The following NAALADL2 variants were observed in gnomAD, a reference collection of about 807,000 sequenced individuals.
NAALADL2 encodes the protein inactive N-acetylated-alpha-linked acidic dipeptidase-like protein 2.
Under a neutral mutation model 87.2 loss-of-function variants are expected in NAALADL2, and 76 were observed. The ratio of observed to expected loss-of-function variants is 0.87; its 90% CI spans 0.72 to 1.05. NAALADL2 has a LOEUF of 1.05. Ranked by LOEUF, NAALADL2 falls within the 50% of genes least tolerant of loss-of-function variation. The pLI is 0.00. For synonymous variants in NAALADL2, 354 were observed against 331.0 expected (o/e 1.07, Z -0.75); for missense variants, 1,089 against 945.8 (o/e 1.15, Z -1.99).
intron 1 of NAALADL2, among the ~76,000 whole-genome samples, chr3:174,514,729 A>T (rs1429612324): frequency 1.3e-5 from 2 of 151,704 alleles, no homozygotes; most frequent in Non-Finnish European, 2.9e-5. Flanking sequence ...TTTTTCTTTG[A>T]TCTAATGTAT....
intron 5 of NAALADL2, among the ~76,000 whole-genome samples, chr3:175,355,003 A>G (rs959890418): frequency 2.1e-5 from 3 of 146,078 alleles, no homozygotes; most frequent in Non-Finnish European, 4.5e-5. Context: ...TTATTTATAT[A>G]TATAATTGCT....
At chr3:175,365,490 A>G (rs1261777566) in intron 5 of NAALADL2, among the ~76,000 whole-genome samples, 3 of 147,696 alleles carry the variant, frequency 2.0e-5, no homozygotes, top group African/African-American at 7.4e-5. Flanking sequence ...GTTCCAAATC[A>G]TATTTTATTT....
intron 11 of NAALADL2, among the ~76,000 whole-genome samples, chr3:175,736,755 G>T (rs1288307432): frequency 6.6e-6 from 1 of 152,088 alleles, no homozygotes; most frequent in Non-Finnish European, 1.5e-5. Context: ...ATGTAATTTG[G>T]GGAACTCAGA....
intron 4 of NAALADL2, among the ~76,000 whole-genome samples, chr3:175,299,917 G>T (rs192323994): frequency 3.9e-5 from 6 of 152,280 alleles, no homozygotes; most frequent in African/African-American, 1.4e-4. Flanking sequence ...GATATTGGCT[G>T]TGGGTTTGTC....
At chr3:175,268,520 T>G (rs1035316975) in intron 4 of NAALADL2, among the ~76,000 whole-genome samples, 2 of 152,134 alleles carry the variant, frequency 1.3e-5, no homozygotes, top group African/African-American at 4.8e-5. Flanking sequence ...TACAAATATT[T>G]TTCTTTTTAA....
intron 4 of NAALADL2, 120 bp from the exon 5 acceptor site, chr3:175,324,055 A>G (rs1560360975): frequency 2.6e-6 from 2 of 758,470 alleles, no homozygotes; most frequent in Non-Finnish European, 4.2e-6. Context: ...AAAAAGAAAA[A>G]GAAAAAGAAA....
intron 2 of NAALADL2, among the ~76,000 whole-genome samples, chr3:175,130,585 A>G (rs942698857): frequency 6.6e-6 from 1 of 152,186 alleles, no homozygotes; most frequent in Non-Finnish European, 1.5e-5. Context: ...TCCCAATACC[A>G]TATATTGAAG....
intron 9 of NAALADL2, among the ~76,000 whole-genome samples, chr3:175,566,204 C>G (rs547843691): frequency 6.6e-6 from 1 of 152,182 alleles, no homozygotes; most frequent in South Asian, 2.1e-4. Context: ...GGACACGTAA[C>G]ATATAGTTCA....
intron 3 of NAALADL2, among the ~76,000 whole-genome samples, chr3:174,759,474 C>T (rs914796257): frequency 5.3e-5 from 8 of 152,144 alleles, no homozygotes; most frequent in Admixed American, 5.2e-4. Context: ...CTTGTGTTTC[C>T]TGCTTAAAGC....
At chr3:175,227,871 A>G (rs778530935) in intron 2 of NAALADL2, among the ~76,000 whole-genome samples, 36 of 152,022 alleles carry the variant, frequency 2.4e-4, no homozygotes, top group Non-Finnish European at 4.7e-4. Context: ...CAAGAGAAGC[A>G]TGTACATTAA....
chr3:175,779,663 A>C (rs986250819), intron 13 of NAALADL2, among the ~76,000 whole-genome samples: 1 of 152,182 alleles, frequency 6.6e-6, no homozygotes, highest in Non-Finnish European at 1.5e-5. Flanking sequence ...AAGATTTGGG[A>C]ATATCATGGG....
At chr3:175,595,890 T>C (rs1019955064) in intron 10 of NAALADL2, among the ~76,000 whole-genome samples, 2 of 151,950 alleles carry the variant, frequency 1.3e-5, no homozygotes, top group Non-Finnish European at 2.9e-5. Flanking sequence ...GAAAAAACTA[T>C]GCTAAAATTT....
At chr3:175,458,164 A>T (rs1008169128) in intron 6 of NAALADL2, among the ~76,000 whole-genome samples, 8 of 151,846 alleles carry the variant, frequency 5.3e-5, no homozygotes, top group African/African-American at 1.9e-4. Context: ...AATTCTCCAG[A>T]CTCTAGGTCC....
chr3:174,942,522 T>C (rs1225232857), intron 1 of NAALADL2, among the ~76,000 whole-genome samples: 1 of 152,190 alleles, frequency 6.6e-6, no homozygotes, highest in East Asian at 1.9e-4. Context: ...GGGGATGATC[T>C]TCTTGTGTAG....
At chr3:174,655,959 A>T (rs1724874318) in intron 2 of NAALADL2, among the ~76,000 whole-genome samples, 1 of 152,212 alleles carries the variant, frequency 6.6e-6, no homozygotes, top group Non-Finnish European at 1.5e-5. Context: ...ACATAAACTT[A>T]TCATAGCTAT....
At chr3:174,601,267 G>A (rs552679721) in intron 2 of NAALADL2, among the ~76,000 whole-genome samples, 10 of 152,160 alleles carry the variant, frequency 6.6e-5, no homozygotes, top group African/African-American at 1.2e-4. Context: ...ACAGTTGTGC[G>A]AGGGTTTCCT....
At chr3:175,280,135 C>T (rs537263520) in intron 4 of NAALADL2, among the ~76,000 whole-genome samples, 24 of 152,074 alleles carry the variant, frequency 1.6e-4, no homozygotes, top group Middle Eastern at 3.4e-3. Context: ...TCTGATCTTC[C>T]TGGAACTGAA....
At chr3:175,045,540 A>G (rs1388078729) in intron 1 of NAALADL2, among the ~76,000 whole-genome samples, 1 of 152,186 alleles carries the variant, frequency 6.6e-6, no homozygotes, top group African/African-American at 2.4e-5. Flanking sequence ...CTTTCAGAGG[A>G]ACAAGTTAGC....
At chr3:175,539,203 C>T (rs2036525053) in intron 9 of NAALADL2, among the ~76,000 whole-genome samples, 1 of 152,154 alleles carries the variant, frequency 6.6e-6, no homozygotes. Flanking sequence ...GATGGAACCA[C>T]TAGCATTACC....
Sources: allele counts gnomAD v4.1 joint callset (sites outside exome capture counted in the v4.1 genomes callset), GRCh38; gene constraint gnomAD v4.1.1; transcripts MANE v1.5; gene names NCBI Gene and HGNC (gene_info 2026-07-23, HGNC 2026-07-21).